CDH22: variants seen among roughly 807,000 people sequenced by gnomAD.
CDH22 encodes cadherin-22.
In CDH22, 30 loss-of-function variants were observed where a neutral mutation model predicts 58.4. That is an observed-to-expected ratio of 0.51 (90% CI 0.38 to 0.70). CDH22 has a LOEUF of 0.70. Among genes scored for constraint, CDH22 ranks in the 30% least tolerant of loss-of-function variants. The pLI, the probability that CDH22 is intolerant of heterozygous loss-of-function variation, is 0.00. For missense variants in CDH22, 1,014 were observed against 1,233.9 expected (o/e 0.82, Z 2.67); for synonymous variants, 513 against 558.2 (o/e 0.92, Z 1.14).
chr20:46,192,550 T>G (rs1406990024), intron 8 of CDH22, among the ~76,000 whole-genome samples: 48 of 93,024 alleles, frequency 5.2e-4, no homozygotes, highest in South Asian at 1.4e-3. Flanking sequence ...GCTGCAAGAG[T>G]GGGAGTGGGA....
intron 1 of CDH22, among the ~76,000 whole-genome samples, chr20:46,296,001 G>A (rs538088998): frequency 2.0e-5 from 3 of 152,322 alleles, no homozygotes; most frequent in Non-Finnish European, 4.4e-5. Context: ...GGCCTCAAGT[G>A]ATCCTCCTGC....
Position 46,256,712 on chromosome 20 carries a change from C to A in CDH22, c.-399-5019G>T, listed in dbSNP as rs2086408361. On this transcript the variant is annotated intron_variant, in intron 1 of 11. Transcript: ENST00000537909. The stretch of plus-strand genomic sequence containing the variant: ...TGATCTGACTTATGTTTTAAAAGAT[C>A]ATTCCGGGCTGGGTGCAGTGGTTCA... 2.6e-5 allele frequency among the ~76,000 whole-genome samples: 4 copies of A among 152,212 alleles called. No homozygotes were observed. The South Asian group carries it at 8.3e-4, about 32-fold the overall frequency.
chr20:46,217,068 G>C (rs2086091485), intron 4 of CDH22, 75 bp from the exon 5 acceptor site: 1 of 1,432,094 alleles, frequency 7.0e-7, no homozygotes, highest in Non-Finnish European at 9.5e-7. Context: ...TGTACAGGCG[G>C]GATTCAGACC....
At chr20:46,277,555 G>A (rs762842933) in intron 1 of CDH22, among the ~76,000 whole-genome samples, 1 of 152,188 alleles carries the variant, frequency 6.6e-6, no homozygotes, top group Non-Finnish European at 1.5e-5. Context: ...AGGGGTAGGT[G>A]GGGGAAGAGA....
At chr20:46,278,992 A>T (rs2086535335) in intron 1 of CDH22, among the ~76,000 whole-genome samples, 1 of 151,894 alleles carries the variant, frequency 6.6e-6, no homozygotes, top group Non-Finnish European at 1.5e-5. Context: ...TGCTTGGGGG[A>T]GGGGGCAGAT....
chr20:46,256,480 G>A (rs182568944), intron 1 of CDH22, among the ~76,000 whole-genome samples: 3 of 152,296 alleles, frequency 2.0e-5, no homozygotes, highest in Admixed American at 2.0e-4. Context: ...GCAACAGCAG[G>A]TGCAAAGTCC....
In CDH22 at chr20:46,174,500, G is replaced by A. The variant is rs988409018; in HGVS notation, c.*6C>T. 4 of 1,483,446 alleles carry A rather than the reference G, an allele frequency of 2.7e-6. No homozygotes were observed. The highest frequency in any genetic ancestry group is 3.6e-6 in the Non-Finnish European group (4 of 1,123,806). 91.9% of individuals were successfully genotyped at this position (1,483,446 alleles called of 1,614,324 possible). ...AGCAGCCGCGCCCCGACGGCAGGGC[G>A]AGGGGCTAGGAGGCCTGGGCCTCGT... is the stretch of plus-strand genomic sequence containing the variant. On this transcript the variant is annotated 3_prime_UTR_variant, in exon 12 of 12. Transcript: ENST00000537909. This position sits in a 1 kb window ranked among gnomAD's most constrained non-coding sequence, Gnocchi z 4.4.
At position 46,216,118 on chromosome 20, in the gene CDH22, G is replaced by A. The variant is rs564045146; in HGVS notation, c.838+708C>T. Among the ~76,000 whole-genome samples the A allele has an allele frequency of 3.3e-5, 5 of 152,148 alleles. No homozygotes were observed. Among genetic ancestry groups the A allele is most frequent in the African/African-American group, 4.8e-5 (2 of 41,434 alleles). ...CGATAGGAATCAGCCCAGCTCCTGC[G>A]GCATTTAGTCCCTGCCAGCTTTGGT... On this transcript the variant is annotated intron_variant, in intron 5 of 11. Coordinates refer to ENST00000537909, the MANE Select transcript of CDH22 (RefSeq NM_021248.3). The surrounding 1 kb of genome is among the most constrained non-coding windows in gnomAD (Gnocchi z 5.3).
chr20:46,253,572 C>T (rs1335083147), intron 1 of CDH22, among the ~76,000 whole-genome samples: 1 of 152,170 alleles, frequency 6.6e-6, no homozygotes, highest in Non-Finnish European at 1.5e-5. Flanking sequence ...CCCTGGCAGC[C>T]CTGCTCCGCA....
Position 46,300,265 on chromosome 20 carries a change from A to G in CDH22, c.-400+7990T>C, listed in dbSNP as rs2086645516. On this transcript the variant is annotated intron_variant, in intron 1 of 11. Transcript: ENST00000537909. The surrounding 1 kb of genome is among the most constrained non-coding windows in gnomAD (Gnocchi z 4.4). ...CCCAGGAACTCTCTGTTGTCCCTGAATACACAATTTCAGCCTCTGGTCCCT... is the reference window on the plus strand; with the variant it reads ...CCCAGGAACTCTCTGTTGTCCCTGAGTACACAATTTCAGCCTCTGGTCCCT... Among the ~76,000 whole-genome samples the G allele has an allele frequency of 1.3e-5, 2 of 152,092 alleles. No individual in the cohort carries two copies. Among genetic ancestry groups the G allele is most frequent in the South Asian group, 4.2e-4 (2 of 4,814 alleles).
intron 1 of CDH22, among the ~76,000 whole-genome samples, chr20:46,281,099 T>C (rs952368634): frequency 6.6e-6 from 1 of 152,228 alleles, no homozygotes; most frequent in African/African-American, 2.4e-5. Flanking sequence ...ACTGGGGCCA[T>C]CTTGAACTCT....
At chr20:46,185,648 G>A (rs2085819888) in intron 10 of CDH22, among the ~76,000 whole-genome samples, 1 of 151,976 alleles carries the variant, frequency 6.6e-6, no homozygotes, top group African/African-American at 2.4e-5. Context: ...TAGGAGGATT[G>A]TTTGAGCCCA....
intron 1 of CDH22, among the ~76,000 whole-genome samples, chr20:46,299,595 G>A (rs957746687): frequency 3.3e-5 from 5 of 151,250 alleles, no homozygotes; most frequent in African/African-American, 1.2e-4. Flanking sequence ...ACGCCTGTGC[G>A]AGACTCCGTC....
rs1484003870 is a variant in CDH22, at chr20:46,300,977, G to T, written c.-400+7278C>A. ...GCAGCTCTTGAAAAATGATGATGTA[G>T]ATGTATATTTATCGAAATGGCAAGA... On this transcript the variant is annotated intron_variant, in intron 1 of 11. Coordinates refer to ENST00000537909, the MANE Select transcript of CDH22 (RefSeq NM_021248.3). The surrounding 1 kb of genome is among the most constrained non-coding windows in gnomAD (Gnocchi z 4.4). Among the ~76,000 whole-genome samples the T allele has an allele frequency of 6.6e-6, 1 of 152,138 alleles. No individual in the cohort carries two copies. Among genetic ancestry groups the T allele is most frequent in the Non-Finnish European group, 1.5e-5 (1 of 68,036 alleles).
chr20:46,272,118 G>C (rs542509924), intron 1 of CDH22, among the ~76,000 whole-genome samples: 2 of 152,280 alleles, frequency 1.3e-5, no homozygotes, highest in South Asian at 4.1e-4. Flanking sequence ...ATTAAGTCTG[G>C]TCCACTTTAC....
At chr20:46,191,640 C>T (rs574897359) in intron 8 of CDH22, among the ~76,000 whole-genome samples, 24 of 152,258 alleles carry the variant, frequency 1.6e-4, no homozygotes, top group African/African-American at 5.5e-4. Flanking sequence ...GATGAGGAAA[C>T]GGGCTCAGAG....
At chr20:46,180,926 T>TTGTGTGTGTGTGTGTGTGTGTG (rs11471209) in intron 10 of CDH22, among the ~76,000 whole-genome samples, 1 of 142,494 alleles carries the variant, frequency 7.0e-6, no homozygotes, top group Admixed American at 7.0e-5. Flanking sequence ...AAAGTTTGTT[T>TTGTGTGTGTGTGTGTGTGTGTG]TGTGTGTGTG....
chr20:46,231,917 T>A (rs1220375919), intron 3 of CDH22, among the ~76,000 whole-genome samples: 3 of 152,194 alleles, frequency 2.0e-5, no homozygotes, highest in African/African-American at 7.2e-5. Flanking sequence ...TGAGCTGCTA[T>A]GAGGATTAGA....
chr20:46,303,387 G>A (rs550143022), intron 1 of CDH22, among the ~76,000 whole-genome samples: 8 of 152,204 alleles, frequency 5.3e-5, no homozygotes, highest in South Asian at 2.1e-4. Context: ...CTGCTGCCCC[G>A]CCCACTGGCT....
Sources: gnomAD v4.1 joint callset for allele counts (sites outside exome capture counted in the v4.1 genomes callset) on GRCh38, gnomAD v4.1.1 for gene constraint, Gnocchi (gnomAD v3.1) non-coding constraint, MANE v1.5 for transcripts, NCBI Gene and HGNC (gene_info 2026-07-23, HGNC 2026-07-21) for gene names.